Variants in RFX7 observed in about 807,000 individuals in gnomAD.
The protein encoded by RFX7 is regulatory factor X7.
RFX7 carries 26 observed loss-of-function variants against 111.8 expected under a neutral mutation model. That is an observed-to-expected ratio of 0.23 (90% CI 0.17 to 0.32). RFX7 has a LOEUF of 0.32. RFX7 is among the 10% of genes least tolerant of loss of function. RFX7 has a pLI of 1.00. For synonymous variants in RFX7, 624 were observed against 624.4 expected (o/e 1.00, Z 0.01); for missense variants, 1,573 against 1,772.9 (o/e 0.89, Z 2.02).
chr15:56,201,115 T>C (rs1259973658), intron 2 of RFX7, among the ~76,000 whole-genome samples: 2 of 152,186 alleles, frequency 1.3e-5, no homozygotes, highest in Non-Finnish European at 2.9e-5. Flanking sequence ...CAGTGTCTCA[T>C]ATAAATTAAT....
At position 56,242,499 on chromosome 15, in the gene RFX7, A is replaced by T. The variant is rs1396690307; in HGVS notation, c.161+626T>A. Among the ~76,000 whole-genome samples the T allele has an allele frequency of 6.6e-5, 10 of 151,820 alleles. 1 individual carries two copies. The highest frequency in any genetic ancestry group is 7.4e-5 in the Non-Finnish European group (5 of 67,918). On this transcript the variant is annotated intron_variant, in intron 2 of 9. Coordinates refer to ENST00000559447, the MANE Select transcript of RFX7 (RefSeq NM_022841.7). ...CATTTGATTCCCTATATTTTAATTT[A>T]AAAAAAAACCACTTTGTTGTAAACT...
At chr15:56,163,560 A>G (rs1456037749) in intron 3 of RFX7, among the ~76,000 whole-genome samples, 1 of 152,196 alleles carries the variant, frequency 6.6e-6, no homozygotes, top group Non-Finnish European at 1.5e-5. Context: ...AAAATTTAAA[A>G]GTAAAACATA....
At chr15:56,202,585 C>T (rs1250176456) in intron 2 of RFX7, among the ~76,000 whole-genome samples, 1 of 152,112 alleles carries the variant, frequency 6.6e-6, no homozygotes, top group South Asian at 2.1e-4. Flanking sequence ...AGGAGGATTG[C>T]TTGAAGCCAG....
chr15:56,179,128 A>C (rs1208183126), intron 3 of RFX7, 142 bp downstream of exon 3: 1 of 343,854 alleles, frequency 2.9e-6, no homozygotes, highest in African/African-American at 2.3e-5. Context: ...AATTCACCCG[A>C]GGGGGCTGTA....
chr15:56,188,283 T>G (rs1291442118), intron 2 of RFX7, among the ~76,000 whole-genome samples: 1 of 152,080 alleles, frequency 6.6e-6, no homozygotes, highest in African/African-American at 2.4e-5. Context: ...TTTTTAAAAA[T>G]AATAAACAGA....
chr15:56,166,204 C>T (rs529413172), intron 3 of RFX7, among the ~76,000 whole-genome samples: 35 of 152,270 alleles, frequency 2.3e-4, no homozygotes, highest in African/African-American at 7.9e-4. Context: ...CCTAGGTTGT[C>T]TACTCTTCTA....
intron 2 of RFX7, among the ~76,000 whole-genome samples, chr15:56,196,187 C>A (rs2043144297): frequency 6.6e-6 from 1 of 151,990 alleles, no homozygotes; most frequent in Admixed American, 6.6e-5. Flanking sequence ...ATATAACACC[C>A]ATGTACCTGC....
chr15:56,174,469 C>T (rs531790398), intron 3 of RFX7, among the ~76,000 whole-genome samples: 8 of 152,180 alleles, frequency 5.3e-5, no homozygotes, highest in South Asian at 2.1e-4. Flanking sequence ...TGGCTGGGCA[C>T]GGTTGCTCAT....
intron 2 of RFX7, among the ~76,000 whole-genome samples, chr15:56,233,349 A>G (rs1181858236): frequency 6.6e-6 from 1 of 152,222 alleles, no homozygotes; most frequent in Non-Finnish European, 1.5e-5. Flanking sequence ...CACTACCATG[A>G]GAACAGTATG....
At chr15:56,149,257 T>A (rs564937664) in intron 3 of RFX7, among the ~76,000 whole-genome samples, 1 of 152,272 alleles carries the variant, frequency 6.6e-6, no homozygotes, top group East Asian at 1.9e-4. Context: ...GCATATGATG[T>A]GAATGAAAAT....
chr15:56,165,810 A>G (rs1343212071), intron 3 of RFX7, among the ~76,000 whole-genome samples: 1 of 152,210 alleles, frequency 6.6e-6, no homozygotes, highest in East Asian at 1.9e-4. Flanking sequence ...CCTAGAAAAT[A>G]AGATGGTACA....
At chr15:56,104,401 C>T (rs1226699851) in intron 5 of RFX7, among the ~76,000 whole-genome samples, 2 of 152,196 alleles carry the variant, frequency 1.3e-5, no homozygotes, top group African/African-American at 4.8e-5. Context: ...AAGGCCACAC[C>T]TTATTCTGGC....
intron 5 of RFX7, among the ~76,000 whole-genome samples, chr15:56,112,817 C>A (rs1246988405): frequency 6.6e-6 from 1 of 152,128 alleles, no homozygotes; most frequent in African/African-American, 2.4e-5. Context: ...TAAAAACAAA[C>A]AACCCCATCA....
intron 5 of RFX7, among the ~76,000 whole-genome samples, chr15:56,141,567 T>A (rs2042393546): frequency 6.7e-6 from 1 of 150,168 alleles, no homozygotes; most frequent in Admixed American, 6.7e-5. Flanking sequence ...TTCTATAACC[T>A]TTTACTGAAT....
chr15:56,139,052 T>C (rs1195208181), intron 5 of RFX7, among the ~76,000 whole-genome samples: 1 of 151,732 alleles, frequency 6.6e-6, no homozygotes, highest in African/African-American at 2.4e-5. Context: ...CTTAACATTT[T>C]TTCCTTCATT....
chr15:56,099,709 T>TG lies in RFX7; in HGVS notation c.812-1334dup, dbSNP rs75057378. Among the ~76,000 whole-genome samples, 1,436 of 152,322 alleles carry TG rather than the reference T, an allele frequency of 9.4e-3. 124 individuals are homozygous for TG. In the East Asian group the frequency reaches 0.23, roughly 24 times the overall value. The stretch of plus-strand genomic sequence containing the variant: ...CTTTTTTGAAAAATATAGTAAGGGC[T>TG]GAGATCAAAATTTTGAGAGACATTC... On this transcript the variant is annotated intron_variant, in intron 8 of 9. Coordinates refer to ENST00000559447, the MANE Select transcript of RFX7 (RefSeq NM_022841.7).
Position 56,093,319 on chromosome 15 carries a change from GTGTGCT to G in RFX7, c.*20_*25del. 6.4e-7 allele frequency: 1 copy of G among 1,558,078 alleles called. No homozygotes were observed. Among genetic ancestry groups the G allele is most frequent in the Non-Finnish European group, 8.7e-7 (1 of 1,148,648 alleles). On this transcript the variant is annotated 3_prime_UTR_variant, in exon 10 of 10. Coordinates refer to ENST00000559447, the MANE Select transcript of RFX7 (RefSeq NM_022841.7). ...TACAATACATATGTCTTTAGATACAGTGTGCTACATGTTATAAAACACAATTTAACC... is the reference window on the plus strand; with the variant it reads ...TACAATACATATGTCTTTAGATACAGACATGTTATAAAACACAATTTAACC...
At chr15:56,199,059 G>A (rs907510970) in intron 2 of RFX7, among the ~76,000 whole-genome samples, 2 of 151,860 alleles carry the variant, frequency 1.3e-5, no homozygotes, top group Admixed American at 1.3e-4. Flanking sequence ...AAAAGGAAAA[G>A]CAAATAAACC....
Position 56,142,904 on chromosome 15 carries a change from A to G in RFX7, c.279-4T>C, listed in dbSNP as rs1443095407. 1.1e-5 allele frequency: 18 copies of G among 1,612,830 alleles called. No homozygotes were observed. Among genetic ancestry groups the G allele is most frequent in the African/African-American group, 2.7e-5 (2 of 74,886 alleles). On this transcript the variant is annotated splice_region_variant and splice_polypyrimidine_tract_variant and intron_variant, in intron 4 of 9. Coordinates refer to ENST00000559447, the MANE Select transcript of RFX7 (RefSeq NM_022841.7). ...AGATGACATGGCATTCTGATCACTA[A>G]TAGAATGAAAACATGTTTTAGCTGA...
Sources: allele counts gnomAD v4.1 joint callset (sites outside exome capture counted in the v4.1 genomes callset), GRCh38; gene constraint gnomAD v4.1.1; transcripts MANE v1.5; gene names NCBI Gene and HGNC (gene_info 2026-07-23, HGNC 2026-07-21).